The following SYNE2 variants were observed in gnomAD, a reference collection of about 807,000 sequenced individuals.
SYNE2 encodes nesprin-2.
SYNE2 carries 431 observed loss-of-function variants against 856.3 expected under a neutral mutation model. The ratio of observed to expected loss-of-function variants is 0.50; its 90% CI spans 0.47 to 0.55. The LOEUF is 0.55. Among genes scored for constraint, SYNE2 ranks in the 20% least tolerant of loss-of-function variants. The probability of loss-of-function intolerance (pLI) is 0.00; values close to 1 mark genes in which losing one functional copy is unlikely to be tolerated. For synonymous variants in SYNE2, 2,923 were observed against 2,872.3 expected, an observed-to-expected ratio of 1.02 and a Z score of -0.56; for missense variants, 8,129 against 8,023.2, an observed-to-expected ratio of 1.01 and a Z score of -0.50.
Position 64,190,178 on chromosome 14 carries a change from T to C in SYNE2, c.17979T>C (p.Asp5993=). The C allele has an allele frequency of 6.2e-7, 1 of 1,614,110 alleles. No individual in the cohort carries two copies. Among genetic ancestry groups the C allele is most frequent in the Non-Finnish European group, 8.5e-7 (1 of 1,180,028 alleles). ...ASNKSRAAEI[D]DKLNKINDRW... ...ACAAATCAAGAGCAGCTGAGATCGA[T>C]GACAAGCTCAACAAAATTAACGATC... Residue 5993 remains aspartate, a synonymous_variant, in exon 99 of 116, where the codon GAT becomes GAC. Transcript: ENST00000555002.
At chr14:63,908,733 T>C (rs1394006126) in intron 1 of SYNE2, among the ~76,000 whole-genome samples, 1 of 152,190 alleles carries the variant, frequency 6.6e-6, no homozygotes, top group Non-Finnish European at 1.5e-5. Context: ...GGTTGAAGGC[T>C]AACAATCACA....
chr14:63,797,222 C>A (rs916868305), intron 1 of SYNE2, among the ~76,000 whole-genome samples: 8 of 151,104 alleles, frequency 5.3e-5, no homozygotes, highest in Non-Finnish European at 1.0e-4. Context: ...CATGGTGAAA[C>A]CCTGTAAAAA....
intron 12 of SYNE2, among the ~76,000 whole-genome samples, 192 bp downstream of exon 12, chr14:63,976,919 T>G: frequency 6.6e-6 from 1 of 151,082 alleles, no homozygotes; most frequent in East Asian, 1.9e-4. Context: ...AGTTTAAGAT[T>G]GAAACAATTA....
intron 88 of SYNE2, chr14:64,162,517 TTTC>T (rs1239752384): frequency 1.8e-5 from 10 of 552,044 alleles, no homozygotes; most frequent in African/African-American, 1.7e-4. Context: ...AAGTCTGTGC[TTTC>T]TCTCTAGTGT....
chr14:63,974,633 A>G (rs990853086), intron 11 of SYNE2, among the ~76,000 whole-genome samples: 1 of 150,858 alleles, frequency 6.6e-6, no homozygotes, highest in Non-Finnish European at 1.5e-5. Flanking sequence ...ATCTTGGCTC[A>G]CTGCAGCCTC....
At chr14:64,060,983 A>G (rs2097312264) in intron 49 of SYNE2, among the ~76,000 whole-genome samples, 1 of 152,124 alleles carries the variant, frequency 6.6e-6, no homozygotes, top group Non-Finnish European at 1.5e-5. Context: ...TCTCCCTGCC[A>G]TGCTGCTGCT....
rs766683148 is a variant in SYNE2, at chr14:64,137,945, G to A, written c.14805G>A (p.Glu4935=). Residue 4935 remains glutamate, a synonymous_variant, in exon 79 of 116, where the codon GAG becomes GAA. Transcript: ENST00000555002. ...CCCTGAACAAGAAAATTGACCATGA[G>A]CTCCACAGGCTGCAAGCTCTTCTCA... The part of the protein sequence containing the change: ...WLSLNKKIDH[E]LHRLQALLKH... 7 of 1,613,954 alleles carry A rather than the reference G, an allele frequency of 4.3e-6. No homozygotes were observed. The highest frequency in any genetic ancestry group is 5.1e-6 in the Non-Finnish European group (6 of 1,179,998).
intron 1 of SYNE2, among the ~76,000 whole-genome samples, chr14:63,814,060 A>AAACAACAAC (rs71120290): frequency 0.035 from 5,268 of 149,976 alleles, 211 homozygotes; most frequent in African/African-American, 0.093. Flanking sequence ...TCTGTCTCAA[A>AAACAACAAC]AACAACAACA....
chr14:64,091,206 T>C (rs2097610171), intron 60 of SYNE2, among the ~76,000 whole-genome samples, 158 bp downstream of exon 60: 1 of 152,242 alleles, frequency 6.6e-6, no homozygotes, highest in Non-Finnish European at 1.5e-5. Context: ...GAGCTAAGGT[T>C]ATTTTTCTCA....
chr14:63,981,393 C>T (rs751511909), intron 16 of SYNE2, among the ~76,000 whole-genome samples: 11 of 152,156 alleles, frequency 7.2e-5, no homozygotes, highest in South Asian at 2.1e-4. Context: ...CGCACATACA[C>T]GCCCCCCTCT....
chr14:63,863,245 A>G (rs962126480), intron 1 of SYNE2, among the ~76,000 whole-genome samples: 3 of 152,160 alleles, frequency 2.0e-5, no homozygotes, highest in Non-Finnish European at 4.4e-5. Context: ...AATGTGCTCC[A>G]TGGTGTCTTT....
At chr14:63,846,574 GT>G (rs140162098) in intron 1 of SYNE2, among the ~76,000 whole-genome samples, 4 of 150,162 alleles carry the variant, frequency 2.7e-5, no homozygotes, top group Admixed American at 6.7e-5. Flanking sequence ...ATTTATTCAG[GT>G]TTTTTTTTCT....
intron 6 of SYNE2, among the ~76,000 whole-genome samples, chr14:63,944,546 C>T (rs1328711522): frequency 1.3e-3 from 133 of 105,998 alleles, no homozygotes; most frequent in Non-Finnish European, 1.6e-3. Context: ...TTTTTTGAGA[C>T]AGAGTCTCGC....
chr14:63,867,835 A>G (rs1055312442), intron 1 of SYNE2, among the ~76,000 whole-genome samples: 1 of 152,148 alleles, frequency 6.6e-6, no homozygotes, highest in Non-Finnish European at 1.5e-5. Flanking sequence ...TGGCAGGAGG[A>G]TCACTTAAAT....
At chr14:63,806,726 A>T (rs1392322199) in intron 1 of SYNE2, among the ~76,000 whole-genome samples, 1 of 151,986 alleles carries the variant, frequency 6.6e-6, no homozygotes, top group Non-Finnish European at 1.5e-5. Context: ...AAATTTAACA[A>T]ATCTGGCTGT....
At chr14:64,191,172 T>TATTTAAATTATTATTTAAATTTAATA (rs2098517189) in intron 99 of SYNE2, 5 of 348,054 alleles carry the variant, frequency 1.4e-5, no homozygotes, top group African/African-American at 6.5e-5. Flanking sequence ...TTAAATTTAT[T>TATTTAAATTATTATTTAAATTTAATA]ATTTAAATTA....
intron 1 of SYNE2, among the ~76,000 whole-genome samples, chr14:63,832,732 G>C (rs866319390): frequency 6.6e-6 from 1 of 151,610 alleles, no homozygotes; most frequent in South Asian, 2.1e-4. Flanking sequence ...AATTTTACTG[G>C]TAAATAATAA....
At chr14:64,155,007 G>A (rs79720323) in intron 85 of SYNE2, among the ~76,000 whole-genome samples, 4,207 of 152,240 alleles carry the variant, frequency 0.028, 98 homozygotes, top group Non-Finnish European at 0.039. Flanking sequence ...ATGTGGAGAC[G>A]TAACCCTCAC....
In SYNE2 at chr14:63,909,280, T is replaced by G; in HGVS notation, c.79+53T>G. On this transcript the variant is annotated intron_variant, in intron 2 of 115. Coordinates refer to ENST00000555002, the MANE Select transcript of SYNE2 (RefSeq NM_182914.3). ...CCACAGAAACTGGGGAAACCTTACT[T>G]TTATCTAGTTGCAAGTCACACTGAT... 5.7e-6 allele frequency: 7 copies of G among 1,220,782 alleles called. No homozygotes were observed. In the South Asian group the frequency reaches 6.1e-5, roughly 11 times the overall value. 75.6% of individuals were successfully genotyped at this position (1,220,782 alleles called of 1,614,324 possible).
Sources: gnomAD v4.1 joint callset for allele counts (sites outside exome capture counted in the v4.1 genomes callset) on GRCh38, gnomAD v4.1.1 for gene constraint, MANE v1.5 for transcripts, NCBI Gene and HGNC (gene_info 2026-07-23, HGNC 2026-07-21) for gene names.